The following ESYT2 variants were observed in gnomAD, a reference collection of about 807,000 sequenced individuals.
ESYT2 encodes the protein extended synaptotagmin-2.
A neutral mutation model predicts 107.2 loss-of-function variants in ESYT2; 54 were observed. The observed-to-expected ratio is 0.50, with a 90% CI of 0.40 to 0.63. ESYT2 has a LOEUF of 0.63. ESYT2 is among the 30% of genes least tolerant of loss of function. The probability of loss-of-function intolerance (pLI) is 0.00; values close to 1 mark genes in which losing one functional copy is unlikely to be tolerated. For synonymous variants in ESYT2, 491 were observed against 434.1 expected (o/e 1.13, Z -1.63); for missense variants, 1,020 against 1,094.5 (o/e 0.93, Z 0.96).
chr7:158,739,901 AAAG>A (rs1178388328), intron 18 of ESYT2, among the ~76,000 whole-genome samples: 5 of 148,890 alleles, frequency 3.4e-5, no homozygotes, highest in African/African-American at 1.3e-4. Context: ...ACCAAGCTAC[AAAG>A]AAGACCTGGG....
At chr7:158,824,210 C>T (rs1584892305) in intron 1 of ESYT2, among the ~76,000 whole-genome samples, 1 of 152,080 alleles carries the variant, frequency 6.6e-6, no homozygotes, top group Non-Finnish European at 1.5e-5. Flanking sequence ...TGGGTGTGAA[C>T]AAGAAACCCA....
At chr7:158,767,105 C>G (rs112303621) in intron 8 of ESYT2, among the ~76,000 whole-genome samples, 2 of 152,230 alleles carry the variant, frequency 1.3e-5, no homozygotes, top group African/African-American at 4.8e-5. Context: ...AGCAAAGCTA[C>G]AGCTAAACTC....
At position 158,752,703 on chromosome 7, in the gene ESYT2, A is replaced by C. The variant is rs1308644290; in HGVS notation, c.1482+78T>G. The C allele has an allele frequency of 2.9e-6, 3 of 1,031,064 alleles. No individual in the cohort carries two copies. The Admixed American group carries it at 8.3e-5, about 28-fold the overall frequency. The allele number at this position is 1,031,064 out of a possible 1,614,324, so 63.9% of individuals were successfully genotyped here. Reference sequence around the variant, plus strand: ...ACATAAATATGGGAGGTAATTTGCCAATAAACTTATGAGACAAAGTATCAT... The same window carrying C: ...ACATAAATATGGGAGGTAATTTGCCCATAAACTTATGAGACAAAGTATCAT... On this transcript the variant is annotated intron_variant, in intron 14 of 22. Coordinates refer to ENST00000275418, the MANE Select transcript of ESYT2 (RefSeq NM_001367773.1).
chr7:158,814,211 T>C (rs1366100696), intron 1 of ESYT2, among the ~76,000 whole-genome samples: 1 of 150,566 alleles, frequency 6.6e-6, no homozygotes, highest in Non-Finnish European at 1.5e-5. Context: ...GAAGCGGAGC[T>C]TGCAGTGAGC....
chr7:158,796,891 C>T (rs1390260840), intron 3 of ESYT2, among the ~76,000 whole-genome samples: 3 of 145,024 alleles, frequency 2.1e-5, no homozygotes, highest in Non-Finnish European at 4.5e-5. Flanking sequence ...AGTGGGCAGC[C>T]GGAAGGCCTC....
rs1161962894 is a variant in ESYT2, at chr7:158,823,330, AT to A, written c.330+5758del. 2.7e-3 allele frequency among the ~76,000 whole-genome samples: 268 copies of A among 99,222 alleles called. 1 individual carries two copies. The highest frequency in any genetic ancestry group is 6.4e-3 in the African/African-American group (171 of 26,586). The allele number at this position is 99,222 out of a possible 152,430, so 65.1% of individuals were successfully genotyped here. ...AAAAAAAAAAAAAAAAAGACATTGG[AT>A]TTTTTTTTTTTTAGAGACGGACTGT... On this transcript the variant is annotated intron_variant, in intron 1 of 22. Transcript: ENST00000275418.
chr7:158,747,475 C>A (rs578139036), intron 16 of ESYT2, among the ~76,000 whole-genome samples: 1 of 151,822 alleles, frequency 6.6e-6, no homozygotes, highest in African/African-American at 2.4e-5. Context: ...ATACAAAGAC[C>A]GTAAAAAAGC....
chr7:158,749,730 AAAAC>A lies in ESYT2; in HGVS notation c.1483-11_1483-8del. On this transcript the variant is annotated splice_polypyrimidine_tract_variant and splice_region_variant and intron_variant, in intron 14 of 22. Transcript: ENST00000275418. ...TGCTTATTTTCTTCCCTGACTACCC[AAAAC>A]AAACAGAAAACAGACAAAATAAATA... The A allele has an allele frequency of 6.2e-7, 1 of 1,612,756 alleles. No individual in the cohort carries two copies. The highest frequency in any genetic ancestry group is 1.3e-5 in the African/African-American group (1 of 74,952).
At position 158,829,114 on chromosome 7, in the gene ESYT2, AC is replaced by A. The variant is rs1298262828; in HGVS notation, c.304del (p.Val102CysfsTer21). On this transcript the variant is annotated frameshift_variant, in exon 1 of 23. Coordinates refer to ENST00000275418, the MANE Select transcript of ESYT2 (RefSeq NM_001367773.1). LOFTEE classifies it high-confidence loss of function. ...EDEERVVRLG[V>X]RACDLPAWVH... is the part of the protein sequence containing the mutation. ...CCAGGCGGGCAGGTCGCAGGCGCGC[AC>A]CCCCAGGCGCACGACGCGCTCCTCG... 3.2e-6 allele frequency: 5 copies of A among 1,578,650 alleles called. No homozygotes were observed. The highest frequency in any genetic ancestry group is 1.7e-5 in the Admixed American group (1 of 58,054).
intron 20 of ESYT2, 118 bp downstream of exon 20, chr7:158,736,930 G>T: frequency 7.2e-7 from 1 of 1,386,216 alleles, no homozygotes; most frequent in South Asian, 1.4e-5. Context: ...GTTGGTTTCT[G>T]ATTGAACTTC....
intron 14 of ESYT2, 57 bp downstream of exon 14, chr7:158,752,724 A>AT: frequency 8.7e-7 from 1 of 1,143,106 alleles, no homozygotes; most frequent in Non-Finnish European, 1.2e-6. Context: ...GAGACAAAGT[A>AT]TCATCTCTTT....
chr7:158,759,492 G>C lies in ESYT2; in HGVS notation c.1413C>G (p.Asn471Lys). The C allele has an allele frequency of 6.2e-7, 1 of 1,610,188 alleles. No individual in the cohort carries two copies. The highest frequency in any genetic ancestry group is 8.5e-7 in the Non-Finnish European group (1 of 1,176,994). ...LLILYLDSAR[N>K]LPSNPLEFNP... ...TTACCACTGTGTTACCTACCGGAAG[G>C]TTCCTTGCTGAATCCAAGTACAAGA... Residue 471 changes from asparagine to lysine, a missense_variant, in exon 13 of 23, where the codon AAC (asparagine) becomes AAG (lysine). By Grantham distance (94) the Asn-to-Lys change is moderately conservative. Coordinates refer to ENST00000275418, the MANE Select transcript of ESYT2 (RefSeq NM_001367773.1).
intron 16 of ESYT2, 179 bp from the exon 17 acceptor site, chr7:158,743,857 G>A: frequency 5.1e-6 from 3 of 589,980 alleles, no homozygotes; most frequent in Non-Finnish European, 8.2e-6. Context: ...CAGATCACCT[G>A]AGGCCAGGGG....
At position 158,769,419 on chromosome 7, in the gene ESYT2, C is replaced by T. The variant is rs566806626; in HGVS notation, c.804-1645G>A. Among the ~76,000 whole-genome samples the T allele has an allele frequency of 4.6e-5, 7 of 152,284 alleles. No homozygotes were observed. In the South Asian group the frequency reaches 1.0e-3, roughly 23 times the overall value. On this transcript the variant is annotated intron_variant, in intron 7 of 22. Transcript: ENST00000275418. ...CAGCAGCTCTGACGGAGCTCCCTGG[C>T]GGGGCTCCCCTCACTGCGCCTCCTC... is the stretch of plus-strand genomic sequence containing the variant.
intron 6 of ESYT2, among the ~76,000 whole-genome samples, chr7:158,782,874 G>C (rs895104522): frequency 6.6e-6 from 1 of 152,112 alleles, no homozygotes; most frequent in Non-Finnish European, 1.5e-5. Context: ...ACGAGTGTGT[G>C]GGAAGGACAA....
chr7:158,813,141 A>G (rs537639174), intron 1 of ESYT2, among the ~76,000 whole-genome samples: 8 of 152,374 alleles, frequency 5.3e-5, no homozygotes, highest in African/African-American at 1.9e-4. Flanking sequence ...AGAAGAACCT[A>G]AAATGCATAT....
Position 158,829,227 on chromosome 7 carries a change from G to A in ESYT2, c.192C>T (p.Leu64=), listed in dbSNP as rs1187394590. The A allele has an allele frequency of 5.2e-6, 8 of 1,529,622 alleles. No homozygotes were observed. Among genetic ancestry groups the A allele is most frequent in the South Asian group, 4.8e-5 (4 of 83,902 alleles). 94.8% of individuals were successfully genotyped at this position (1,529,622 alleles called of 1,614,324 possible). The change falls in exon 1 of 23, where the codon CTC becomes CTT. Residue 64 remains leucine (L), a synonymous_variant. Transcript: ENST00000275418. ...ACCAGGCGAGCAGCGCGAGCGCGAG[G>A]AGAACCCAGCTGAAGCTGAGCCCCA... ...GYLGLSFSWV[L]LALALLAWCR...
chr7:158,766,671 G>A (rs1055316647), intron 8 of ESYT2, among the ~76,000 whole-genome samples: 3 of 152,156 alleles, frequency 2.0e-5, no homozygotes, highest in Non-Finnish European at 4.4e-5. Context: ...AGGAGAAAGC[G>A]ATCTACTTCT....
intron 7 of ESYT2, among the ~76,000 whole-genome samples, 165 bp from the exon 8 acceptor site, chr7:158,767,939 C>T (rs1477321553): frequency 1.3e-5 from 2 of 152,192 alleles, no homozygotes; most frequent in Admixed American, 1.3e-4. Context: ...CATTTCAATT[C>T]TTTAGCTGTG....
Sources: gnomAD v4.1 joint callset for allele counts (sites outside exome capture counted in the v4.1 genomes callset) on GRCh38, gnomAD v4.1.1 for gene constraint, MANE v1.5 for transcripts, NCBI Gene and HGNC (gene_info 2026-07-23, HGNC 2026-07-21) for gene names.